The following SGIP1 variants were observed in gnomAD, a reference collection of about 807,000 sequenced individuals.
SGIP1 encodes SH3-containing GRB2-like protein 3-interacting protein 1.
A neutral mutation model predicts 107.5 loss-of-function variants in SGIP1; 38 were observed. The ratio of observed to expected loss-of-function variants is 0.35; its 90% confidence interval spans 0.27 to 0.46. The LOEUF (loss-of-function observed/expected upper bound fraction) is 0.46. Ranked by LOEUF, SGIP1 falls within the 20% of genes least tolerant of loss-of-function variation. SGIP1 has a pLI of 1.00. For synonymous variants in SGIP1, 365 were observed against 366.1 expected (o/e 1.00, Z 0.03); for missense variants, 929 against 1,019.5 (o/e 0.91, Z 1.21).
chr1:66,641,299 T>C (rs1244725002), intron 5 of SGIP1, among the ~76,000 whole-genome samples: 1 of 152,186 alleles, frequency 6.6e-6, no homozygotes, highest in East Asian at 1.9e-4. Flanking sequence ...TCAAAACATA[T>C]TGTACACCTT....
At chr1:66,729,618 T>C (rs969729875) in intron 20 of SGIP1, among the ~76,000 whole-genome samples, 199 bp downstream of exon 20, 2 of 152,184 alleles carry the variant, frequency 1.3e-5, no homozygotes, top group Non-Finnish European at 2.9e-5. Context: ...TGTGACTGCA[T>C]ATGCATATAC....
At chr1:66,715,237 A>G (rs984325006) in intron 18 of SGIP1, among the ~76,000 whole-genome samples, 1 of 152,218 alleles carries the variant, frequency 6.6e-6, no homozygotes, top group Non-Finnish European at 1.5e-5. Flanking sequence ...ATGTAGACCA[A>G]ATAGCAATAA....
At chr1:66,605,656 T>C (rs2066677601) in intron 1 of SGIP1, among the ~76,000 whole-genome samples, 1 of 152,048 alleles carries the variant, frequency 6.6e-6, no homozygotes, top group Admixed American at 6.6e-5. Context: ...AACCCCTTTA[T>C]AGCCCAAAAC....
chr1:66,660,972 G>T (rs2081354514), intron 8 of SGIP1, among the ~76,000 whole-genome samples: 1 of 152,048 alleles, frequency 6.6e-6, no homozygotes, highest in Admixed American at 6.5e-5. Context: ...GGAAGCTGGG[G>T]GGTTTTATTT....
At chr1:66,614,697 G>A (rs1390375759) in intron 1 of SGIP1, among the ~76,000 whole-genome samples, 1 of 151,792 alleles carries the variant, frequency 6.6e-6, no homozygotes, top group East Asian at 1.9e-4. Context: ...ATAGCCTGTG[G>A]TGTATAGAAA....
At chr1:66,719,129 A>T (rs981748301) in intron 18 of SGIP1, among the ~76,000 whole-genome samples, 165 bp from the exon 19 acceptor site, 4 of 152,126 alleles carry the variant, frequency 2.6e-5, no homozygotes, top group African/African-American at 9.7e-5. Flanking sequence ...TTCCTTTTAA[A>T]TACTTGAGCT....
chr1:66,580,737 A>G (rs1434661618), intron 1 of SGIP1, among the ~76,000 whole-genome samples: 1 of 152,172 alleles, frequency 6.6e-6, no homozygotes, highest in Non-Finnish European at 1.5e-5. Context: ...TATCTGGTAC[A>G]TAGTAGGTAC....
At chr1:66,684,165 C>G in intron 15 of SGIP1, 1 of 1,550,578 alleles carries the variant, frequency 6.4e-7, no homozygotes, top group South Asian at 1.2e-5. Context: ...AAGCTGGAGG[C>G]AATGAACTGG....
Position 66,743,115 on chromosome 1 carries a change from T to C in SGIP1, c.*20T>C. Reference sequence around the variant, plus strand: ...AACTAATGAAATCTTATGCAAGGATTTGGAGGATTCATATAATGGAGAACT... The same window carrying C: ...AACTAATGAAATCTTATGCAAGGATCTGGAGGATTCATATAATGGAGAACT... On this transcript the variant is annotated 3_prime_UTR_variant, in exon 25 of 25. Transcript: ENST00000371037. The C allele has an allele frequency of 2.5e-6, 4 of 1,612,782 alleles. No homozygotes were observed. Among genetic ancestry groups the C allele is most frequent in the Non-Finnish European group, 3.4e-6 (4 of 1,179,348 alleles).
chr1:66,740,833 C>T (rs1572478623), intron 23 of SGIP1, 111 bp downstream of exon 23: 5 of 691,012 alleles, frequency 7.2e-6, no homozygotes, highest in Non-Finnish European at 9.8e-6. Context: ...GAATATTTCA[C>T]TCCATTTTTG....
At chr1:66,540,670 T>A (rs1347829320) in intron 1 of SGIP1, among the ~76,000 whole-genome samples, 1 of 152,232 alleles carries the variant, frequency 6.6e-6, no homozygotes, top group African/African-American at 2.4e-5. Flanking sequence ...CAGATGCAAA[T>A]TACTCCTGAT....
intron 1 of SGIP1, among the ~76,000 whole-genome samples, chr1:66,553,193 A>G (rs1380714973): frequency 6.6e-6 from 1 of 152,104 alleles, no homozygotes; most frequent in Non-Finnish European, 1.5e-5. Context: ...TTTGCACCAC[A>G]ACAGTCAGGC....
At chr1:66,657,171 A>G (rs915709253) in intron 7 of SGIP1, among the ~76,000 whole-genome samples, 21 of 152,088 alleles carry the variant, frequency 1.4e-4, no homozygotes, top group Non-Finnish European at 2.6e-4. Flanking sequence ...ACTAGACCCT[A>G]TCTCTAAAAA....
At chr1:66,584,302 A>G (rs1326109513) in intron 1 of SGIP1, among the ~76,000 whole-genome samples, 2 of 152,152 alleles carry the variant, frequency 1.3e-5, no homozygotes, top group East Asian at 1.9e-4. Flanking sequence ...TGCTTATCAG[A>G]TGCTGTTTGG....
intron 1 of SGIP1, among the ~76,000 whole-genome samples, chr1:66,558,988 C>T (rs1254255627): frequency 6.6e-6 from 1 of 151,834 alleles, no homozygotes; most frequent in Non-Finnish European, 1.5e-5. Flanking sequence ...ACTTCCATGC[C>T]CTTTATTTCA....
At chr1:66,687,521 A>G (rs2150067965) in intron 15 of SGIP1, among the ~76,000 whole-genome samples, 1 of 152,226 alleles carries the variant, frequency 6.6e-6, no homozygotes. Flanking sequence ...GCCAAGCAAA[A>G]ATAAGAACAG....
intron 18 of SGIP1, among the ~76,000 whole-genome samples, chr1:66,697,741 T>A (rs754275268): frequency 3.9e-5 from 6 of 152,212 alleles, no homozygotes; most frequent in Non-Finnish European, 8.8e-5. Flanking sequence ...AGAATTTTTT[T>A]AATTTTTCTG....
At chr1:66,578,476 T>G (rs1361942959) in intron 1 of SGIP1, among the ~76,000 whole-genome samples, 1 of 152,218 alleles carries the variant, frequency 6.6e-6, no homozygotes, top group African/African-American at 2.4e-5. Flanking sequence ...AAGCATTTCA[T>G]AAAGGGAAAT....
At chr1:66,587,902 A>G (rs2062881112) in intron 1 of SGIP1, among the ~76,000 whole-genome samples, 1 of 152,146 alleles carries the variant, frequency 6.6e-6, no homozygotes, top group African/African-American at 2.4e-5. Flanking sequence ...GTCTTCTCTC[A>G]ATAAAAGCAT....
Sources: gnomAD v4.1 joint callset for allele counts (sites outside exome capture counted in the v4.1 genomes callset) on GRCh38, gnomAD v4.1.1 for gene constraint, MANE v1.5 for transcripts, NCBI Gene and HGNC (gene_info 2026-07-23, HGNC 2026-07-21) for gene names.